Variants in SLCO1B3 observed in about 807,000 individuals in gnomAD.
SLCO1B3 encodes solute carrier organic anion transporter family member 1B3, also known as liver-specific organic anion transporter 2.
Under a neutral mutation model 71.8 loss-of-function variants are expected in SLCO1B3, and 72 were observed. That is an observed-to-expected ratio of 1.00 (90% CI 0.83 to 1.22). The LOEUF is 1.22. Ranked by LOEUF, SLCO1B3 falls within the 50% of genes most tolerant of loss-of-function variation. The probability of loss-of-function intolerance (pLI) is 0.00; values close to 1 mark genes in which losing one functional copy is unlikely to be tolerated. For synonymous variants in SLCO1B3, 298 were observed against 278.4 expected, an observed-to-expected ratio of 1.07 and a Z score of -0.70; for missense variants, 911 against 819.7, an observed-to-expected ratio of 1.11 and a Z score of -1.36.
At chr12:20,877,176 G>A (rs781589956) in intron 9 of SLCO1B3, among the ~76,000 whole-genome samples, 7 of 152,006 alleles carry the variant, frequency 4.6e-5, no homozygotes, top group Non-Finnish European at 7.4e-5. Context: ...TTGACTGTGA[G>A]CCCAAAAAGA....
At chr12:20,845,260 C>T in intron 3 of SLCO1B3, 2 of 412,976 alleles carry the variant, frequency 4.8e-6, no homozygotes, top group South Asian at 2.1e-5. Flanking sequence ...GACCTCTGAC[C>T]TCTTGGAAAG....
chr12:20,895,659 C>G (rs1397998468), intron 13 of SLCO1B3, among the ~76,000 whole-genome samples: 1 of 152,092 alleles, frequency 6.6e-6, no homozygotes, highest in Non-Finnish European at 1.5e-5. Flanking sequence ...GCAGCTTTTC[C>G]AGGTGAATGG....
intron 3 of SLCO1B3, among the ~76,000 whole-genome samples, chr12:20,845,841 T>G (rs532364376): frequency 6.6e-6 from 1 of 152,322 alleles, no homozygotes; most frequent in African/African-American, 2.4e-5. Flanking sequence ...TATAATTGTG[T>G]TGCTGTCTAC....
intron 4 of SLCO1B3, among the ~76,000 whole-genome samples, chr12:20,856,156 C>A (rs1340945233): frequency 2.0e-5 from 3 of 152,174 alleles, no homozygotes; most frequent in Non-Finnish European, 2.9e-5. Context: ...GTTTAATTCA[C>A]TGTATGTCTA....
rs7305323 is a variant in SLCO1B3 at position 20,813,614 on chromosome 12, C to T, written c.-90C>T. On this transcript the variant is annotated 5_prime_UTR_variant, in exon 2 of 16. Transcript: ENST00000381545. ...CCGTTGTTCCCACCTCCTAGAGGGCCTGACAGAAGAGGTACATATGCTATG... is the reference window on the plus strand; with the variant it reads ...CCGTTGTTCCCACCTCCTAGAGGGCTTGACAGAAGAGGTACATATGCTATG... 100,436 of 152,032 alleles carry T rather than the reference C, an allele frequency of 0.66. 33,520 individuals are homozygous for T. Among genetic ancestry groups the T allele is most frequent in the East Asian group, 0.82 (4,262 of 5,174 alleles). 9.4% of individuals were successfully genotyped at this position (152,032 alleles called of 1,614,324 possible).
At chr12:20,913,933 G>C (rs1395271722) in intron 15 of SLCO1B3, among the ~76,000 whole-genome samples, 1 of 151,844 alleles carries the variant, frequency 6.6e-6, no homozygotes, top group Non-Finnish European at 1.5e-5. Context: ...TTGATTTTTT[G>C]TTTGTTTGTT....
chr12:20,901,547 G>A (rs1866134796), intron 15 of SLCO1B3, 80 bp downstream of exon 15: 2 of 695,156 alleles, frequency 2.9e-6, no homozygotes, highest in Admixed American at 2.8e-5. Flanking sequence ...TTTTTAGTGT[G>A]ATCGTAATAT....
intron 11 of SLCO1B3, among the ~76,000 whole-genome samples, chr12:20,880,450 A>G (rs548185935): frequency 2.0e-5 from 3 of 152,180 alleles, no homozygotes; most frequent in South Asian, 4.1e-4. Context: ...AGGAACCTCA[A>G]TCTAATGCCA....
intron 3 of SLCO1B3, among the ~76,000 whole-genome samples, chr12:20,829,315 G>A (rs1864491523): frequency 6.6e-6 from 1 of 152,216 alleles, no homozygotes; most frequent in African/African-American, 2.4e-5. Context: ...ATGGGGCCCA[G>A]GCTGAACACT....
At chr12:20,818,336 G>T (rs1137309) in intron 3 of SLCO1B3, among the ~76,000 whole-genome samples, 1 of 152,214 alleles carries the variant, frequency 6.6e-6, no homozygotes, top group Non-Finnish European at 1.5e-5. Flanking sequence ...AATAAGGGCT[G>T]GTCTTTTATC....
At chr12:20,888,407 T>A (rs1300777683) in intron 13 of SLCO1B3, among the ~76,000 whole-genome samples, 2 of 151,892 alleles carry the variant, frequency 1.3e-5, no homozygotes, top group Non-Finnish European at 2.9e-5. Context: ...TCGTAGAGAC[T>A]TTTTTACCTC....
chr12:20,814,628 C>T (rs1430310133), intron 2 of SLCO1B3, among the ~76,000 whole-genome samples: 6 of 152,074 alleles, frequency 3.9e-5, no homozygotes, highest in African/African-American at 9.7e-5. Context: ...CGGTGGTTCA[C>T]GCCTGTAATC....
chr12:20,859,148 T>C (rs1334389179), intron 5 of SLCO1B3, among the ~76,000 whole-genome samples: 1 of 152,212 alleles, frequency 6.6e-6, no homozygotes, highest in Non-Finnish European at 1.5e-5. Flanking sequence ...TTGTTACAAA[T>C]TGTGGCAATG....
intron 13 of SLCO1B3, among the ~76,000 whole-genome samples, chr12:20,897,048 A>C (rs1000615231): frequency 1.3e-5 from 2 of 152,164 alleles, no homozygotes; most frequent in Non-Finnish European, 2.9e-5. Context: ...CTCCCACCGG[A>C]TCCCTCCCAC....
chr12:20,846,944 C>T (rs932485389), intron 3 of SLCO1B3, among the ~76,000 whole-genome samples: 2 of 152,022 alleles, frequency 1.3e-5, no homozygotes, highest in African/African-American at 2.4e-5. Context: ...ACATTAAAAT[C>T]TCTCTGACAA....
At chr12:20,881,161 T>C in intron 12 of SLCO1B3, 141 bp downstream of exon 12, 2 of 581,114 alleles carry the variant, frequency 3.4e-6, no homozygotes, top group Non-Finnish European at 2.9e-6. Context: ...TCTGTCCTCG[T>C]GATAGCTGTG....
At position 20,879,453 on chromosome 12, in the gene SLCO1B3, AC is replaced by A; in HGVS notation, c.1154del (p.Thr385ArgfsTer8). ...ATTTCTAGGAATCATAACCATTCCT[AC>A]GGTTGCAACTGGAATGTTTTTAGGA... ...NFLLGIITIP[T>X]VATGMFLGGF... On this transcript the variant is annotated frameshift_variant, in exon 11 of 16. Coordinates refer to ENST00000381545, the MANE Select transcript of SLCO1B3 (RefSeq NM_019844.4). LOFTEE classifies it high-confidence loss of function. 6.2e-7 allele frequency: 1 copy of A among 1,603,652 alleles called. No homozygotes were observed. Among genetic ancestry groups the A allele is most frequent in the Non-Finnish European group, 8.5e-7 (1 of 1,172,632 alleles).
intron 14 of SLCO1B3, among the ~76,000 whole-genome samples, chr12:20,899,433 T>G (rs1866082711): frequency 6.6e-6 from 1 of 152,142 alleles, no homozygotes; most frequent in African/African-American, 2.4e-5. Flanking sequence ...CTGGGACCCT[T>G]GCAAGGAAAG....
intron 8 of SLCO1B3, 62 bp from the exon 9 acceptor site, chr12:20,875,173 T>A: frequency 7.6e-6 from 12 of 1,574,402 alleles, no homozygotes; most frequent in Non-Finnish European, 9.6e-6. Context: ...TATCATTATT[T>A]CCCAGAACCT....
Sources: allele counts gnomAD v4.1 joint callset (sites outside exome capture counted in the v4.1 genomes callset), GRCh38; gene constraint gnomAD v4.1.1; transcripts MANE v1.5; gene names NCBI Gene and HGNC (gene_info 2026-07-23, HGNC 2026-07-21).